The following SEPTIN2 variants were observed in gnomAD, a reference collection of about 807,000 sequenced individuals.
SEPTIN2 encodes septin-2.
Under a neutral mutation model 46.5 loss-of-function variants are expected in SEPTIN2, and 34 were observed. That is an observed-to-expected ratio of 0.73 (90% CI 0.56 to 0.97). The LOEUF (loss-of-function observed/expected upper bound fraction) is 0.97, where lower values mean the gene tolerates loss of function less well. Among genes scored for constraint, SEPTIN2 ranks in the 50% least tolerant of loss-of-function variants. The probability of loss-of-function intolerance (pLI) is 0.00; values close to 1 mark genes in which losing one functional copy is unlikely to be tolerated. For missense variants in SEPTIN2, 347 were observed against 448.4 expected (o/e 0.77, Z 2.04); for synonymous variants, 175 against 153.4 (o/e 1.14, Z -1.04).
Position 241,327,662 on chromosome 2 carries a change from C to T in SEPTIN2, c.130+1549C>T, listed in dbSNP as rs147154846. On this transcript the variant is annotated intron_variant, in intron 3 of 12. Coordinates refer to ENST00000391971, the MANE Select transcript of SEPTIN2 (RefSeq NM_004404.5). ...CATCATAACACGCTACCAGAAACTA[C>T]TGATGAGACAACAAGCAGAAGAAAT... Among the ~76,000 whole-genome samples, 744 of 152,002 alleles carry T rather than the reference C, an allele frequency of 4.9e-3. 5 individuals are homozygous for T. Among genetic ancestry groups the T allele is most frequent in the Middle Eastern group, 0.014 (4 of 294 alleles).
intron 1 of SEPTIN2, chr2:241,316,510 C>T (rs763865080): frequency 9.9e-6 from 15 of 1,514,220 alleles, no homozygotes; most frequent in African/African-American, 1.4e-5. Context: ...GCCCTGTCTG[C>T]GGGTACCTTC....
intron 9 of SEPTIN2, among the ~76,000 whole-genome samples, chr2:241,344,289 CT>C (rs2081674343): frequency 6.6e-6 from 1 of 152,194 alleles, no homozygotes. Context: ...TGAGCCACCC[CT>C]GGTGCCCTGC....
chr2:241,322,575 C>T (rs2077289476), intron 1 of SEPTIN2, among the ~76,000 whole-genome samples: 1 of 149,834 alleles, frequency 6.7e-6, no homozygotes, highest in African/African-American at 2.5e-5. Flanking sequence ...CACTGTACTT[C>T]AGCCCGGGAG....
At chr2:241,350,427 T>A (rs565726177) in intron 12 of SEPTIN2, among the ~76,000 whole-genome samples, 6 of 152,270 alleles carry the variant, frequency 3.9e-5, no homozygotes, top group South Asian at 2.1e-4. Context: ...CTTTTTTTTT[T>A]AAATAATTTC....
intron 12 of SEPTIN2, 70 bp downstream of exon 12, chr2:241,350,273 G>T: frequency 2.3e-6 from 2 of 873,508 alleles, no homozygotes; most frequent in South Asian, 1.9e-5. Flanking sequence ...AATATGACAG[G>T]TTCCTCCTTA....
chr2:241,320,233 T>C, intron 1 of SEPTIN2: 1 of 471,220 alleles, frequency 2.1e-6, no homozygotes, highest in Non-Finnish European at 4.4e-6. Context: ...ACTTTGGTCT[T>C]GTCCAAGGTT....
intron 9 of SEPTIN2, 142 bp downstream of exon 9, chr2:241,344,039 T>G: frequency 9.5e-7 from 1 of 1,048,584 alleles, no homozygotes. Flanking sequence ...GCAGAAGTGG[T>G]GTGGGGCTGT....
intron 3 of SEPTIN2, among the ~76,000 whole-genome samples, chr2:241,333,459 G>A (rs909075199): frequency 1.3e-5 from 2 of 152,178 alleles, no homozygotes; most frequent in Non-Finnish European, 2.9e-5. Flanking sequence ...TGTGAAAATT[G>A]CAGTTCACTT....
chr2:241,335,442 A>T (rs957103016), intron 4 of SEPTIN2: 8 of 1,152,478 alleles, frequency 6.9e-6, no homozygotes, highest in Non-Finnish European at 1.0e-5. Flanking sequence ...GTTTGTCTGT[A>T]AAATGTAATA....
chr2:241,331,647 TCC>T (rs1398194115), intron 3 of SEPTIN2, among the ~76,000 whole-genome samples: 1 of 152,218 alleles, frequency 6.6e-6, no homozygotes, highest in Non-Finnish European at 1.5e-5. Context: ...CTTCTCAGCC[TCC>T]CAAAGTACAA....
chr2:241,342,947 A>T (rs560382503), intron 7 of SEPTIN2, 45 bp from the exon 8 acceptor site: 5 of 1,006,414 alleles, frequency 5.0e-6, no homozygotes, highest in Non-Finnish European at 7.9e-6. Context: ...CTACAATAAC[A>T]TACGCAGTTT....
chr2:241,316,394 T>G (rs2076253075), intron 1 of SEPTIN2: 1 of 1,057,122 alleles, frequency 9.5e-7, no homozygotes, highest in Non-Finnish European at 1.3e-6. Flanking sequence ...CCATCTTGTC[T>G]TTCTAACGGT....
At chr2:241,323,777 T>G (rs1049816511) in intron 1 of SEPTIN2, among the ~76,000 whole-genome samples, 1 of 152,136 alleles carries the variant, frequency 6.6e-6, no homozygotes, top group Non-Finnish European at 1.5e-5. Flanking sequence ...ATAGGCAAAA[T>G]GGAGGTGCCA....
chr2:241,345,139 C>T (rs1187811694), intron 9 of SEPTIN2, among the ~76,000 whole-genome samples: 1 of 151,950 alleles, frequency 6.6e-6, no homozygotes, highest in Non-Finnish European at 1.5e-5. Context: ...AAAGAACAGG[C>T]TGAGAGTATT....
At chr2:241,316,515 A>G (rs2076283297) in intron 1 of SEPTIN2, 3 of 1,517,684 alleles carry the variant, frequency 2.0e-6, no homozygotes, top group Non-Finnish European at 2.6e-6. Context: ...GTCTGCGGGT[A>G]CCTTCGGCGA....
Position 241,342,577 on chromosome 2 carries a change from G to A in SEPTIN2, c.595-415G>A, listed in dbSNP as rs186413324. ...TTTTTTTGAGACGGAGTCTTGCTCC[G>A]TCACCCAGGCTGAAGTGCAGTGGTC... On this transcript the variant is annotated intron_variant, in intron 7 of 12. Transcript: ENST00000391971. 5.9e-3 allele frequency among the ~76,000 whole-genome samples: 689 copies of A among 117,076 alleles called. 4 individuals are homozygous for A. Among genetic ancestry groups the A allele is most frequent in the African/African-American group, 0.021 (653 of 30,376 alleles). 76.8% of individuals were successfully genotyped at this position (117,076 alleles called of 152,430 possible).
chr2:241,316,512 G>A, intron 1 of SEPTIN2: 1 of 1,517,564 alleles, frequency 6.6e-7, no homozygotes, highest in South Asian at 1.2e-5. Context: ...CCTGTCTGCG[G>A]GTACCTTCGG....
chr2:241,317,582 T>A, intron 1 of SEPTIN2: 1 of 983,922 alleles, frequency 1.0e-6, no homozygotes, highest in Non-Finnish European at 1.2e-6. Flanking sequence ...CCAAAACTCA[T>A]TTGGCAGCAG....
At chr2:241,340,391 T>A (rs1233571910) in intron 7 of SEPTIN2, among the ~76,000 whole-genome samples, 1 of 152,208 alleles carries the variant, frequency 6.6e-6, no homozygotes, top group Non-Finnish European at 1.5e-5. Context: ...GGTTTGACTT[T>A]CATTTTTTCA....
Sources: gnomAD v4.1 joint callset for allele counts (sites outside exome capture counted in the v4.1 genomes callset) on GRCh38, gnomAD v4.1.1 for gene constraint, MANE v1.5 for transcripts, NCBI Gene and HGNC (gene_info 2026-07-23, HGNC 2026-07-21) for gene names.